DLG2: variants seen among roughly 807,000 people sequenced by gnomAD.
DLG2 encodes disks large homolog 2.
In DLG2, 45 loss-of-function variants were observed where a neutral mutation model predicts 132.5. The ratio of observed to expected loss-of-function variants is 0.34; its 90% CI spans 0.27 to 0.44. DLG2 has a LOEUF of 0.44. Ranked by LOEUF, DLG2 falls within the 20% of genes least tolerant of loss-of-function variation. The pLI is 1.00. For synonymous variants in DLG2, 424 were observed against 419.6 expected (o/e 1.01, Z -0.13); for missense variants, 1,045 against 1,196.9 (o/e 0.87, Z 1.87).
At chr11:83,870,586 C>T (rs2063246610) in intron 16 of DLG2, among the ~76,000 whole-genome samples, 1 of 152,088 alleles carries the variant, frequency 6.6e-6, no homozygotes, top group Admixed American at 6.6e-5. Context: ...AAACTGTGCC[C>T]CAAACTAGCA....
chr11:84,928,978 G>GTATA (rs2047738560), intron 6 of DLG2, among the ~76,000 whole-genome samples: 1 of 29,852 alleles, frequency 3.3e-5, no homozygotes, highest in African/African-American at 9.3e-5. Context: ...GTGTGTGTGT[G>GTATA]TGTGTATATA....
rs59038372 is a variant in DLG2 at position 84,373,265 on chromosome 11, C to CAAAAACA, written c.520-121975_520-121974insTGTTTTT. Among the ~76,000 whole-genome samples, 49 of 98,052 alleles carry CAAAAACA rather than the reference C, an allele frequency of 5.0e-4. 1 individual carries two copies. The highest frequency in any genetic ancestry group is 2.2e-3 in the African/African-American group (48 of 21,952). The allele number at this position is 98,052 out of a possible 152,430, so 64.3% of individuals were successfully genotyped here. A position where few individuals can be genotyped will look rare whatever the true frequency, so the allele number is the denominator to read the frequency against. ...AGAAACAGTCAAAAAAAAAAAAAAA[C>CAAAAACA]AAAACAAAAAAAAAACCCACCAGGC... On this transcript the variant is annotated intron_variant, in intron 7 of 27. Coordinates refer to ENST00000376104, the MANE Select transcript of DLG2 (RefSeq NM_001142699.3).
In DLG2 at chr11:85,030,999, G is replaced by C. The variant is rs933874583; in HGVS notation, c.357+80662C>G. Among the ~76,000 whole-genome samples the C allele has an allele frequency of 7.2e-5, 11 of 151,948 alleles. No individual in the cohort carries two copies. The South Asian group carries it at 1.7e-3, about 23-fold the overall frequency. On this transcript the variant is annotated intron_variant, in intron 6 of 27. Transcript: ENST00000376104. The stretch of plus-strand genomic sequence containing the variant: ...ATTCAGGAAGTACATGTGCAGGTTT[G>C]TTACATGAGTATATCGCATAAGTTT...
At chr11:83,807,015 T>A (rs942829088) in intron 17 of DLG2, among the ~76,000 whole-genome samples, 3 of 152,150 alleles carry the variant, frequency 2.0e-5, no homozygotes, top group Non-Finnish European at 4.4e-5. Context: ...GCAGACCACA[T>A]AAATACAGCC....
intron 3 of DLG2, among the ~76,000 whole-genome samples, chr11:85,448,225 AT>A (rs2092094622): frequency 6.6e-6 from 1 of 152,208 alleles, no homozygotes; most frequent in African/African-American, 2.4e-5. Flanking sequence ...ATATCAATGA[AT>A]TTCTAATCTA....
chr11:83,694,818 A>C (rs972356069), intron 18 of DLG2, among the ~76,000 whole-genome samples: 3 of 152,204 alleles, frequency 2.0e-5, no homozygotes, highest in Admixed American at 2.0e-4. Context: ...CTGAAAATCT[A>C]CTCCACGATG....
chr11:84,877,952 A>G (rs2086655507), intron 6 of DLG2, among the ~76,000 whole-genome samples: 2 of 152,200 alleles, frequency 1.3e-5, no homozygotes, highest in South Asian at 2.1e-4. Context: ...GCCAACAAAC[A>G]TATGAAAAAA....
intron 6 of DLG2, among the ~76,000 whole-genome samples, chr11:84,566,070 T>C (rs2099453916): frequency 6.6e-6 from 1 of 151,400 alleles, no homozygotes; most frequent in Non-Finnish European, 1.5e-5. Context: ...GAAATTCTCC[T>C]GCCTCAGCCT....
intron 7 of DLG2, among the ~76,000 whole-genome samples, chr11:84,328,773 C>G (rs12223311): frequency 2.0e-5 from 3 of 152,174 alleles, no homozygotes; most frequent in African/African-American, 7.2e-5. Context: ...TAAATGATCT[C>G]TTTTCCTTAG....
intron 21 of DLG2, among the ~76,000 whole-genome samples, chr11:83,509,416 T>C (rs2094895206): frequency 6.6e-6 from 1 of 152,166 alleles, no homozygotes; most frequent in Non-Finnish European, 1.5e-5. Context: ...CCCAAATCTC[T>C]CCACCTACAG....
chr11:85,619,566 G>T (rs2081561316), intron 2 of DLG2, among the ~76,000 whole-genome samples: 1 of 152,124 alleles, frequency 6.6e-6, no homozygotes, highest in African/African-American at 2.4e-5. Flanking sequence ...ATATGCAGTG[G>T]CTCATGCCTG....
chr11:84,374,314 C>T (rs1424613755), intron 7 of DLG2, among the ~76,000 whole-genome samples: 1 of 152,172 alleles, frequency 6.6e-6, no homozygotes, highest in Non-Finnish European at 1.5e-5. Flanking sequence ...GATTATTTCT[C>T]ACCATAACCC....
intron 17 of DLG2, among the ~76,000 whole-genome samples, chr11:83,823,646 GTCATTCATTCAT>G (rs112028362): frequency 7.4e-5 from 11 of 149,606 alleles, no homozygotes; most frequent in Non-Finnish European, 1.5e-4. Flanking sequence ...GCAAAGATGA[GTCATTCATTCAT>G]TCATTCATTC....
Position 85,052,468 on chromosome 11 carries a change from C to G in DLG2, c.357+59193G>C, listed in dbSNP as rs373986544. ...AGGGCCAAACATTTTGCATTATATA[C>G]CTTGAAAACTGTGAGCCACATTTGT... On this transcript the variant is annotated intron_variant, in intron 6 of 27. Coordinates refer to ENST00000376104, the MANE Select transcript of DLG2 (RefSeq NM_001142699.3). 3.3e-5 allele frequency among the ~76,000 whole-genome samples: 5 copies of G among 152,214 alleles called. No individual in the cohort carries two copies. In the South Asian group the frequency reaches 1.0e-3, roughly 32 times the overall value.
chr11:84,646,984 G>A (rs1420969524), intron 6 of DLG2, among the ~76,000 whole-genome samples: 1 of 151,996 alleles, frequency 6.6e-6, no homozygotes, highest in East Asian at 1.9e-4. Flanking sequence ...TGTGTGTGTA[G>A]GTATTGAGAG....
chr11:84,954,641 G>C (rs1050567565), intron 6 of DLG2, among the ~76,000 whole-genome samples: 3 of 152,104 alleles, frequency 2.0e-5, no homozygotes, highest in African/African-American at 7.2e-5. Flanking sequence ...ATCAGACATT[G>C]GTGTAGTCAT....
intron 6 of DLG2, among the ~76,000 whole-genome samples, chr11:85,026,931 C>T (rs1353721646): frequency 6.6e-6 from 1 of 152,010 alleles, no homozygotes; most frequent in Non-Finnish European, 1.5e-5. Flanking sequence ...GAAATATTTG[C>T]CTATGAGTAC....
intron 18 of DLG2, among the ~76,000 whole-genome samples, chr11:83,743,695 A>G (rs1485792862): frequency 1.3e-5 from 2 of 151,958 alleles, no homozygotes; most frequent in Non-Finnish European, 2.9e-5. Context: ...CATCCTCCCA[A>G]TGTGGGGAGA....
chr11:83,682,534 C>T, intron 18 of DLG2: 1 of 811,504 alleles, frequency 1.2e-6, no homozygotes, highest in Non-Finnish European at 1.5e-6. Flanking sequence ...GCTCGTGTTC[C>T]CCTACACCTT....
Sources: allele counts gnomAD v4.1 joint callset (sites outside exome capture counted in the v4.1 genomes callset), GRCh38; gene constraint gnomAD v4.1.1; transcripts MANE v1.5; gene names NCBI Gene and HGNC (gene_info 2026-07-23, HGNC 2026-07-21).